Variants in LRRC4C observed in about 807,000 individuals in gnomAD.
LRRC4C encodes leucine rich repeat containing 4C, also known as leucine-rich repeat-containing protein 4C.
A neutral mutation model predicts 33.6 loss-of-function variants in LRRC4C; 5 were observed. The ratio of observed to expected loss-of-function variants is 0.15; its 90% CI spans 0.08 to 0.31. The LOEUF (loss-of-function observed/expected upper bound fraction) is 0.31, where lower values mean the gene tolerates loss of function less well. LRRC4C is among the 10% of genes least tolerant of loss of function. The probability of loss-of-function intolerance (pLI) is 1.00; values close to 1 mark genes in which losing one functional copy is unlikely to be tolerated. For missense variants in LRRC4C, 560 were observed against 796.7 expected (o/e 0.70, Z 3.58); for synonymous variants, 329 against 302.0 (o/e 1.09, Z -0.93).
rs575640171 is a variant in LRRC4C at position 40,585,485 on chromosome 11, T to C, written c.-270+62657A>G. Among the ~76,000 whole-genome samples the C allele has an allele frequency of 1.8e-4, 27 of 151,890 alleles. No homozygotes were observed. The East Asian group carries it at 4.3e-3, about 24-fold the overall frequency. On this transcript the variant is annotated intron_variant, in intron 3 of 6. Coordinates refer to ENST00000528697, the MANE Select transcript of LRRC4C (RefSeq NM_001258419.2). Reference sequence around the variant, plus strand: ...TTTGAATTTGTTATTTCTTTTTTTTTTTATACTTTAAGTTTTAGGGTACAT... The same window carrying C: ...TTTGAATTTGTTATTTCTTTTTTTTCTTATACTTTAAGTTTTAGGGTACAT...
intron 1 of LRRC4C, among the ~76,000 whole-genome samples, chr11:41,094,953 G>C (rs1338210654): frequency 6.6e-6 from 1 of 151,884 alleles, no homozygotes; most frequent in Admixed American, 6.6e-5. Flanking sequence ...ACTTTTCTTT[G>C]GTATTTTCAT....
At chr11:40,542,472 G>T (rs1383233465) in intron 3 of LRRC4C, among the ~76,000 whole-genome samples, 1 of 152,196 alleles carries the variant, frequency 6.6e-6, no homozygotes, top group Non-Finnish European at 1.5e-5. Flanking sequence ...TTGATTGTGG[G>T]TATACCTTAT....
At chr11:41,178,354 ATGT>A (rs1038582711) in intron 1 of LRRC4C, among the ~76,000 whole-genome samples, 43 of 152,068 alleles carry the variant, frequency 2.8e-4, no homozygotes, top group Non-Finnish European at 5.0e-4. Context: ...CACACTTTCT[ATGT>A]TGTTGTTGTT....
chr11:40,210,799 G>A (rs1162858493), intron 5 of LRRC4C, among the ~76,000 whole-genome samples: 2 of 152,246 alleles, frequency 1.3e-5, no homozygotes, highest in African/African-American at 2.4e-5. Context: ...TTGAGATAGA[G>A]TCTCACTCTG....
intron 1 of LRRC4C, among the ~76,000 whole-genome samples, chr11:41,254,099 T>C (rs1229132467): frequency 6.6e-6 from 1 of 152,088 alleles, no homozygotes; most frequent in African/African-American, 2.4e-5. Context: ...TGTATAAATA[T>C]ATAAGGAAAG....
At chr11:40,929,780 C>G (rs924626719) in intron 2 of LRRC4C, among the ~76,000 whole-genome samples, 1 of 152,012 alleles carries the variant, frequency 6.6e-6, no homozygotes, top group Non-Finnish European at 1.5e-5. Flanking sequence ...ATTCAGTGTC[C>G]AAAGTAAACA....
intron 3 of LRRC4C, among the ~76,000 whole-genome samples, chr11:40,382,054 T>C (rs895990056): frequency 4.1e-5 from 6 of 145,840 alleles, no homozygotes; most frequent in South Asian, 2.3e-4. Context: ...CCTCCCGGGT[T>C]CACGCCATTC....
chr11:40,340,419 C>A (rs1278002930), intron 3 of LRRC4C, among the ~76,000 whole-genome samples: 4 of 152,148 alleles, frequency 2.6e-5, no homozygotes, highest in Non-Finnish European at 5.9e-5. Context: ...CTTTTACCCA[C>A]CTTGCTCACT....
At chr11:40,618,262 A>C (rs1591290276) in intron 3 of LRRC4C, among the ~76,000 whole-genome samples, 1 of 119,016 alleles carries the variant, frequency 8.4e-6, no homozygotes, top group Non-Finnish European at 2.0e-5. Flanking sequence ...ACACAACAGC[A>C]CCCAGGAAAG....
chr11:40,250,875 T>C (rs1472320639), intron 4 of LRRC4C, among the ~76,000 whole-genome samples: 2 of 152,210 alleles, frequency 1.3e-5, no homozygotes, highest in South Asian at 2.1e-4. Flanking sequence ...GTGATCTTCA[T>C]ATGAACTTGT....
intron 1 of LRRC4C, among the ~76,000 whole-genome samples, chr11:41,393,527 G>A (rs977466151): frequency 6.6e-6 from 1 of 151,824 alleles, no homozygotes; most frequent in Non-Finnish European, 1.5e-5. Context: ...TTCAGATCAT[G>A]TTTCTTTCCA....
intron 2 of LRRC4C, among the ~76,000 whole-genome samples, chr11:40,819,329 A>T (rs533599043): frequency 6.6e-6 from 1 of 152,264 alleles, no homozygotes; most frequent in African/African-American, 2.4e-5. Flanking sequence ...TCTGAGAGGC[A>T]TTTACAGATG....
chr11:40,880,076 G>T (rs1955092594), intron 2 of LRRC4C, among the ~76,000 whole-genome samples: 1 of 152,086 alleles, frequency 6.6e-6, no homozygotes. Flanking sequence ...GAAACCAGCT[G>T]CCATGCTGTG....
At chr11:40,910,633 G>C (rs192033075) in intron 2 of LRRC4C, among the ~76,000 whole-genome samples, 2 of 152,300 alleles carry the variant, frequency 1.3e-5, no homozygotes, top group Admixed American at 6.5e-5. Flanking sequence ...CAACACAGAA[G>C]AATGATTTCT....
intron 3 of LRRC4C, among the ~76,000 whole-genome samples, chr11:40,492,486 A>T (rs2138527011): frequency 6.6e-6 from 1 of 151,800 alleles, no homozygotes; most frequent in African/African-American, 2.4e-5. Flanking sequence ...TTTAAAAATC[A>T]TGTTTCATTT....
chr11:41,150,397 C>T (rs192012523), intron 1 of LRRC4C, among the ~76,000 whole-genome samples: 2 of 152,240 alleles, frequency 1.3e-5, no homozygotes, highest in East Asian at 1.9e-4. Context: ...AACAGTATTC[C>T]AAAAAATAGA....
intron 1 of LRRC4C, among the ~76,000 whole-genome samples, chr11:41,121,728 C>T (rs1057275469): frequency 6.6e-6 from 1 of 152,102 alleles, no homozygotes; most frequent in African/African-American, 2.4e-5. Flanking sequence ...CATAGGAGGA[C>T]TGTCCACATG....
chr11:41,350,262 G>A (rs1418634168), intron 1 of LRRC4C, among the ~76,000 whole-genome samples: 1 of 152,150 alleles, frequency 6.6e-6, no homozygotes, highest in African/African-American at 2.4e-5. Context: ...TGTAATCCCA[G>A]CACTTTGGGA....
rs530550796 is a variant in LRRC4C, at chr11:40,250,469, G to T, written c.-175-8871C>A. Reference sequence around the variant, plus strand: ...TAAATTTAATGATAAGCCTGGCATGGTGGCTCATGCCTGTAACCCCAGCAC... The same window carrying T: ...TAAATTTAATGATAAGCCTGGCATGTTGGCTCATGCCTGTAACCCCAGCAC... On this transcript the variant is annotated intron_variant, in intron 4 of 6. Coordinates refer to ENST00000528697, the MANE Select transcript of LRRC4C (RefSeq NM_001258419.2). 5.9e-4 allele frequency among the ~76,000 whole-genome samples: 90 copies of T among 152,188 alleles called. 1 individual carries two copies. Among genetic ancestry groups the T allele is most frequent in the Non-Finnish European group, 1.1e-3 (72 of 68,022 alleles).
Sources: allele counts gnomAD v4.1 joint callset (sites outside exome capture counted in the v4.1 genomes callset), GRCh38; gene constraint gnomAD v4.1.1; transcripts MANE v1.5; gene names NCBI Gene and HGNC (gene_info 2026-07-23, HGNC 2026-07-21).